The following PKD2 variants were observed in gnomAD, a reference collection of about 807,000 sequenced individuals.
PKD2 encodes polycystin 2, transient receptor potential cation channel.
In PKD2, 48 loss-of-function variants were observed where a neutral mutation model predicts 105.9. The observed-to-expected ratio is 0.45, with a 90% confidence interval of 0.36 to 0.58. PKD2 has a LOEUF of 0.58. Ranked by LOEUF, PKD2 falls within the 20% of genes least tolerant of loss-of-function variation. The pLI is 0.00. For missense variants in PKD2, 1,078 were observed against 1,255.3 expected (o/e 0.86, Z 2.13); for synonymous variants, 464 against 481.1 (o/e 0.96, Z 0.46).
chr4:88,043,533 A>C, intron 5 of PKD2, 76 bp downstream of exon 5: 1 of 1,099,022 alleles, frequency 9.1e-7, no homozygotes, highest in Admixed American at 1.9e-5. Context: ...TAGCCAGAAA[A>C]ACCTTTGCCT....
rs377364780 is a variant in PKD2, at chr4:88,029,139, TC to T, written c.710-7079del. On this transcript the variant is annotated intron_variant, in intron 2 of 14. Coordinates refer to ENST00000237596, the MANE Select transcript of PKD2 (RefSeq NM_000297.4). ...CGGGGGATGGCTCTTTTCAGCCTCT[TC>T]CTGGCATTTGGTCCAGTGGCATTTG... Among the ~76,000 whole-genome samples the T allele has an allele frequency of 6.0e-3, 914 of 152,296 alleles. 13 individuals are homozygous for T. The highest frequency in any genetic ancestry group is 0.021 in the African/African-American group (858 of 41,562).
intron 2 of PKD2, among the ~76,000 whole-genome samples, chr4:88,024,622 A>G (rs956681112): frequency 6.6e-6 from 1 of 152,140 alleles, no homozygotes; most frequent in Non-Finnish European, 1.5e-5. Flanking sequence ...AAAAATCTAT[A>G]TATAGTTTAA....
At chr4:88,008,389 G>A in intron 1 of PKD2, 61 bp downstream of exon 1, 1 of 1,465,190 alleles carries the variant, frequency 6.8e-7, no homozygotes, top group East Asian at 2.7e-5. Context: ...GCCGGCCGGG[G>A]CCATCGCCCG....
intron 4 of PKD2, among the ~76,000 whole-genome samples, chr4:88,040,412 A>G (rs1471092808): frequency 6.6e-6 from 1 of 152,174 alleles, no homozygotes; most frequent in Non-Finnish European, 1.5e-5. Context: ...TATGTGCTGG[A>G]TGCATTCGAG....
intron 8 of PKD2, among the ~76,000 whole-genome samples, chr4:88,056,877 C>T (rs571262619): frequency 2.6e-5 from 4 of 152,234 alleles, no homozygotes; most frequent in African/African-American, 7.2e-5. Flanking sequence ...TTGCTAAGAC[C>T]CAGCACTGAC....
chr4:88,042,799 G>A (rs1727618701), intron 4 of PKD2, among the ~76,000 whole-genome samples: 1 of 152,162 alleles, frequency 6.6e-6, no homozygotes, highest in Non-Finnish European at 1.5e-5. Context: ...AATATTTGTG[G>A]ATGAAATTCC....
intron 6 of PKD2, among the ~76,000 whole-genome samples, chr4:88,051,251 C>T (rs546537007): frequency 1.3e-5 from 2 of 152,228 alleles, no homozygotes; most frequent in Non-Finnish European, 2.9e-5. Context: ...CTTGAGCCCT[C>T]TGTATTCATC....
chr4:88,043,432 A>G lies in PKD2; in HGVS notation c.1294A>G (p.Asn432Asp). 6.2e-7 allele frequency: 1 copy of G among 1,613,162 alleles called. No individual in the cohort carries two copies. The highest frequency in any genetic ancestry group is 8.5e-7 in the Non-Finnish European group (1 of 1,179,188). ...TATTGACTTCTCAGTGTACAACGCCAACATTAACCTGTTCTGTGTGGTCAG... is the reference window on the plus strand; with the variant it reads ...TATTGACTTCTCAGTGTACAACGCCGACATTAACCTGTTCTGTGTGGTCAG... ...TFIDFSVYNA[N>D]INLFCVVRLL... The change falls in exon 5 of 15, where the codon AAC (asparagine) becomes GAC (aspartate). Residue 432 changes from asparagine (N) to aspartate (D), a missense_variant. Physicochemically the swap from Asn to Asp is conservative, Grantham distance 23 (BLOSUM62 1). Coordinates refer to ENST00000237596, the MANE Select transcript of PKD2 (RefSeq NM_000297.4).
chr4:88,070,004 C>G (rs1442734763), intron 13 of PKD2, among the ~76,000 whole-genome samples: 1 of 152,132 alleles, frequency 6.6e-6, no homozygotes, highest in African/African-American at 2.4e-5. Context: ...TTATCTTTAC[C>G]AGTGTTCTTT....
chr4:88,066,367 T>C (rs1720797984), intron 12 of PKD2, among the ~76,000 whole-genome samples: 1 of 127,956 alleles, frequency 7.8e-6, no homozygotes, highest in South Asian at 2.3e-4. Context: ...TTTTTTCTTT[T>C]TTTTTTTTTT....
At chr4:88,057,296 G>T (rs1560621193) in intron 8 of PKD2, among the ~76,000 whole-genome samples, 2 of 147,506 alleles carry the variant, frequency 1.4e-5, no homozygotes, top group South Asian at 2.1e-4. Context: ...AGGCCCTGTT[G>T]TTTTTTTTTT....
intron 5 of PKD2, among the ~76,000 whole-genome samples, chr4:88,044,895 A>G (rs1727711734): frequency 6.6e-6 from 1 of 152,178 alleles, no homozygotes; most frequent in African/African-American, 2.4e-5. Flanking sequence ...GCCAAAAAAA[A>G]AGAAAGAAAG....
At chr4:88,068,821 A>G (rs1330675410) in intron 13 of PKD2, among the ~76,000 whole-genome samples, 2 of 152,202 alleles carry the variant, frequency 1.3e-5, no homozygotes, top group African/African-American at 4.8e-5. Context: ...TAGATGTGGT[A>G]TTCACGTTTG....
chr4:88,063,453 C>T (rs914192004), intron 10 of PKD2, among the ~76,000 whole-genome samples: 2 of 151,738 alleles, frequency 1.3e-5, no homozygotes, highest in Non-Finnish European at 2.9e-5. Context: ...ATCGCTTGCA[C>T]CTAGGAGGCG....
intron 4 of PKD2, among the ~76,000 whole-genome samples, chr4:88,039,676 AAAAC>A (rs1455523910): frequency 1.3e-5 from 2 of 151,936 alleles, no homozygotes; most frequent in Admixed American, 1.3e-4. Flanking sequence ...AAAAAAAAAA[AAAAC>A]AAATTTAGTG....
chr4:88,020,595 G>A (rs1287993238), intron 2 of PKD2, among the ~76,000 whole-genome samples: 1 of 151,918 alleles, frequency 6.6e-6, no homozygotes, highest in African/African-American at 2.4e-5. Flanking sequence ...TTTCTGTCAT[G>A]TCTCATCTAA....
At chr4:88,036,384 C>A in intron 3 of PKD2, 31 bp downstream of exon 3, 1 of 1,609,736 alleles carries the variant, frequency 6.2e-7, no homozygotes, top group South Asian at 1.1e-5. Flanking sequence ...AAGTACCTCT[C>A]TATCACAGAA....
intron 13 of PKD2, among the ~76,000 whole-genome samples, chr4:88,073,982 G>A (rs145157727): frequency 0.013 from 1,987 of 152,194 alleles, 50 homozygotes; most frequent in South Asian, 0.1. Flanking sequence ...TGAACATGCT[G>A]TTTTCATACT....
At chr4:88,043,026 C>T (rs1467985987) in intron 4 of PKD2, among the ~76,000 whole-genome samples, 2 of 152,170 alleles carry the variant, frequency 1.3e-5, no homozygotes, top group African/African-American at 4.8e-5. Context: ...ACATTGACCT[C>T]ACTAAGCCTC....
Sources: gnomAD v4.1 joint callset for allele counts (sites outside exome capture counted in the v4.1 genomes callset) on GRCh38, gnomAD v4.1.1 for gene constraint, MANE v1.5 for transcripts, NCBI Gene and HGNC (gene_info 2026-07-23, HGNC 2026-07-21) for gene names.